Variants in CAPZB observed in about 807,000 individuals in gnomAD.
CAPZB encodes F-actin-capping protein subunit beta.
In CAPZB, 2 loss-of-function variants were observed where a neutral mutation model predicts 38.1. That is an observed-to-expected ratio of 0.05 (90% CI 0.02 to 0.17). CAPZB has a LOEUF of 0.17. Ranked by LOEUF, CAPZB falls within the 10% of genes least tolerant of loss-of-function variation. The probability of loss-of-function intolerance (pLI) is 1.00; values close to 1 mark genes in which losing one functional copy is unlikely to be tolerated. For synonymous variants in CAPZB, 107 were observed against 127.4 expected (o/e 0.84, Z 1.08); for missense variants, 161 against 334.2 (o/e 0.48, Z 4.04).
intron 1 of CAPZB, among the ~76,000 whole-genome samples, chr1:19,464,899 G>C (rs1400883222): frequency 6.6e-6 from 1 of 152,098 alleles, no homozygotes; most frequent in Non-Finnish European, 1.5e-5. Flanking sequence ...TGTCTAGGAG[G>C]GGGAAAAGGG....
At chr1:19,481,120 C>T (rs1252240631) in intron 1 of CAPZB, among the ~76,000 whole-genome samples, 1 of 152,208 alleles carries the variant, frequency 6.6e-6, no homozygotes, top group African/African-American at 2.4e-5. Flanking sequence ...ATGCTGCCTC[C>T]AGCCTAAAGT....
chr1:19,428,147 A>G (rs1226660034), intron 1 of CAPZB, among the ~76,000 whole-genome samples: 1 of 152,258 alleles, frequency 6.6e-6, no homozygotes, highest in Non-Finnish European at 1.5e-5. Context: ...TCACGCCTGT[A>G]ATCCCAGCAC....
chr1:19,385,841 C>T (rs1407703107), intron 2 of CAPZB: 20 of 695,006 alleles, frequency 2.9e-5, no homozygotes, highest in Non-Finnish European at 3.8e-5. Context: ...TACAGTGGAG[C>T]GTGATTTCTA....
At chr1:19,458,116 A>C (rs2094538868) in intron 1 of CAPZB, among the ~76,000 whole-genome samples, 2 of 144,970 alleles carry the variant, frequency 1.4e-5, no homozygotes, top group South Asian at 2.2e-4. Context: ...AAAAAAAAAA[A>C]CACTAAACTG....
intron 3 of CAPZB, among the ~76,000 whole-genome samples, chr1:19,385,299 T>C (rs2094197898): frequency 6.6e-6 from 1 of 152,190 alleles, no homozygotes; most frequent in Admixed American, 6.5e-5. Context: ...TTCAAACGTC[T>C]GCTGCATGAT....
At chr1:19,339,699 C>A (rs2093917520) in intron 8 of CAPZB, 82 bp from the exon 9 acceptor site, 1 of 1,076,710 alleles carries the variant, frequency 9.3e-7, no homozygotes. Flanking sequence ...CATGCCAGTG[C>A]CTGGCTGATT....
At chr1:19,363,819 CA>C (rs1478310153) in intron 4 of CAPZB, among the ~76,000 whole-genome samples, 1 of 152,200 alleles carries the variant, frequency 6.6e-6, no homozygotes, top group African/African-American at 2.4e-5. Context: ...CCTTTCACAT[CA>C]CCTCCTGGGA....
At chr1:19,409,915 G>T (rs182701343) in intron 2 of CAPZB, among the ~76,000 whole-genome samples, 21 of 152,306 alleles carry the variant, frequency 1.4e-4, no homozygotes, top group African/African-American at 4.8e-4. Context: ...TTTCATGTTC[G>T]TTTAATAGTT....
intron 2 of CAPZB, among the ~76,000 whole-genome samples, chr1:19,415,647 G>A (rs1343868600): frequency 2.0e-5 from 3 of 152,246 alleles, no homozygotes; most frequent in Non-Finnish European, 2.9e-5. Flanking sequence ...AGCATCGCAC[G>A]TAGCGAGGAG....
intron 2 of CAPZB, among the ~76,000 whole-genome samples, chr1:19,392,324 A>G (rs2094240830): frequency 6.6e-6 from 1 of 152,046 alleles, no homozygotes; most frequent in Non-Finnish European, 1.5e-5. Context: ...CCGGCCCTCC[A>G]AGACTGCAGG....
chr1:19,363,420 C>T (rs1335100328), intron 4 of CAPZB, among the ~76,000 whole-genome samples: 1 of 152,006 alleles, frequency 6.6e-6, no homozygotes, highest in Non-Finnish European at 1.5e-5. Context: ...CCTAATGTGT[C>T]AGTAATTCTC....
chr1:19,395,729 G>A (rs1180287491), intron 2 of CAPZB, among the ~76,000 whole-genome samples: 2 of 152,216 alleles, frequency 1.3e-5, no homozygotes, highest in African/African-American at 4.8e-5. Flanking sequence ...TCACCTGTGT[G>A]CAGAGAAGCC....
chr1:19,371,732 C>T (rs2094120579), intron 4 of CAPZB, among the ~76,000 whole-genome samples: 1 of 152,222 alleles, frequency 6.6e-6, no homozygotes, highest in Admixed American at 6.5e-5. Context: ...AAATCTCCCC[C>T]TACCGCCTGC....
Position 19,485,421 on chromosome 1 carries a change from C to T in CAPZB, c.3+15G>A. 2 of 1,229,038 alleles carry T rather than the reference C, an allele frequency of 1.6e-6. No individual in the cohort carries two copies. The highest frequency in any genetic ancestry group is 3.2e-5 in the East Asian group (1 of 31,574). 76.1% of individuals were successfully genotyped at this position (1,229,038 alleles called of 1,614,324 possible). On this transcript the variant is annotated intron_variant, in intron 1 of 8. Coordinates refer to ENST00000264202, the MANE Select transcript of CAPZB (RefSeq NM_004930.5). ...AGGGGCCCCCGGGCCGGGGAGGGGG[C>T]CGTGCGGCCTTTACCATGGTGGCGG...
In CAPZB at chr1:19,475,200, C is replaced by G. The variant is rs189533320; in HGVS notation, c.3+10236G>C. ...TAACTCATTTAATCCTCATAAAATC[C>G]ATCAGAAATATCTACTTTTATGCTC... On this transcript the variant is annotated intron_variant, in intron 1 of 8. Coordinates refer to ENST00000264202, the MANE Select transcript of CAPZB (RefSeq NM_004930.5). Among the ~76,000 whole-genome samples the G allele has an allele frequency of 2.2e-4, 33 of 152,278 alleles. No homozygotes were observed. In the East Asian group the frequency reaches 5.4e-3, roughly 25 times the overall value.
intron 2 of CAPZB, among the ~76,000 whole-genome samples, chr1:19,407,775 A>G (rs1363194831): frequency 2.0e-5 from 3 of 152,154 alleles, no homozygotes; most frequent in Non-Finnish European, 2.9e-5. Flanking sequence ...GACTTTCCCA[A>G]TGATAACCGG....
intron 1 of CAPZB, among the ~76,000 whole-genome samples, chr1:19,422,375 T>C (rs1480263450): frequency 6.6e-6 from 1 of 152,092 alleles, no homozygotes; most frequent in African/African-American, 2.4e-5. Context: ...CGAAAAATAA[T>C]TGGTTTGGGG....
intron 1 of CAPZB, among the ~76,000 whole-genome samples, chr1:19,459,760 A>G (rs528588566): frequency 6.6e-6 from 1 of 152,262 alleles, no homozygotes; most frequent in East Asian, 1.9e-4. Context: ...AAAACTCTAG[A>G]AATGAACAAT....
chr1:19,388,952 T>C (rs1163946039), intron 2 of CAPZB, among the ~76,000 whole-genome samples: 1 of 152,244 alleles, frequency 6.6e-6, no homozygotes, highest in Non-Finnish European at 1.5e-5. Flanking sequence ...TGGGACTTGA[T>C]ATGGCCAACG....
Sources: gnomAD v4.1 joint callset for allele counts (sites outside exome capture counted in the v4.1 genomes callset) on GRCh38, gnomAD v4.1.1 for gene constraint, MANE v1.5 for transcripts, NCBI Gene and HGNC (gene_info 2026-07-23, HGNC 2026-07-21) for gene names.